The following MAP4 variants were observed in gnomAD, a reference collection of about 807,000 sequenced individuals.
The protein encoded by MAP4 is microtubule-associated protein 4.
A neutral mutation model predicts 170.2 loss-of-function variants in MAP4; 76 were observed. The observed-to-expected ratio is 0.45, with a 90% CI of 0.37 to 0.54. The LOEUF (loss-of-function observed/expected upper bound fraction) is 0.54, where lower values mean the gene tolerates loss of function less well. Ranked by LOEUF, MAP4 falls within the 20% of genes least tolerant of loss-of-function variation. The pLI is 0.00. For synonymous variants in MAP4, 909 were observed against 994.5 expected (o/e 0.91, Z 1.62); for missense variants, 2,506 against 2,748.0 (o/e 0.91, Z 1.97).
intron 1 of MAP4, 59 bp from the exon 2 acceptor site, chr3:47,998,938 T>C: frequency 1.1e-6 from 1 of 937,784 alleles, no homozygotes; most frequent in Non-Finnish European, 1.7e-6. Context: ...AAAACATTTC[T>C]AGAAACTCTT....
chr3:48,042,941 A>G (rs1020678080), intron 1 of MAP4, among the ~76,000 whole-genome samples: 9 of 152,248 alleles, frequency 5.9e-5, no homozygotes, highest in African/African-American at 1.9e-4. Flanking sequence ...TTTATACAGA[A>G]AGTAGATTCA....
At chr3:47,937,872 G>C (rs1475729902) in intron 3 of MAP4, among the ~76,000 whole-genome samples, 1 of 150,026 alleles carries the variant, frequency 6.7e-6, no homozygotes, top group Non-Finnish European at 1.5e-5. Flanking sequence ...ATGTTGGCCA[G>C]GATGGTCTCG....
chr3:48,006,149 C>T (rs2100102189), intron 1 of MAP4, among the ~76,000 whole-genome samples: 1 of 152,156 alleles, frequency 6.6e-6, no homozygotes, highest in Non-Finnish European at 1.5e-5. Flanking sequence ...AAAAGAGAAT[C>T]ATGGCCCCTC....
In MAP4 at chr3:47,871,247, ATCT is replaced by A. The variant is rs1264846461; in HGVS notation, c.5978_5980del (p.Lys1993del). 3 of 1,614,236 alleles carry A rather than the reference ATCT, an allele frequency of 1.9e-6. No homozygotes were observed. In the South Asian group the frequency reaches 3.3e-5, roughly 18 times the overall value. On this transcript the variant is annotated inframe_deletion, in exon 14 of 21. Coordinates refer to ENST00000683076, the MANE Select transcript of MAP4 (RefSeq NM_001385682.1). ...ATTACCTGGTACAGACTTTGCAGTC[ATCT>A]TCTTGACTTCTGCAGGTTTTCCCTC...
intron 3 of MAP4, among the ~76,000 whole-genome samples, chr3:47,930,826 G>A (rs2100049355): frequency 6.6e-6 from 1 of 151,572 alleles, no homozygotes; most frequent in Admixed American, 6.6e-5. Flanking sequence ...CTACTCAGGA[G>A]GCTGAGGCAG....
At chr3:47,887,772 A>G (rs373464706) in intron 10 of MAP4, among the ~76,000 whole-genome samples, 36 of 152,278 alleles carry the variant, frequency 2.4e-4, no homozygotes, top group East Asian at 1.7e-3. Context: ...GAATCCACCA[A>G]TCGACACTCT....
chr3:48,039,909 GC>G (rs544776314), intron 1 of MAP4, among the ~76,000 whole-genome samples: 180 of 152,298 alleles, frequency 1.2e-3, no homozygotes, highest in Non-Finnish European at 2.2e-3. Flanking sequence ...AACTTGGTAA[GC>G]CACTAAAATC....
chr3:48,061,197 C>CCCCTCTCCCTCT (rs200606918), intron 1 of MAP4, among the ~76,000 whole-genome samples: 10 of 151,030 alleles, frequency 6.6e-5, no homozygotes, highest in Non-Finnish European at 1.5e-4. Context: ...CCTCCCCCTC[C>CCCCTCTCCCTCT]CCCTCTCCCT....
At chr3:47,858,852 G>A (rs1438866671) in intron 17 of MAP4, among the ~76,000 whole-genome samples, 2 of 152,110 alleles carry the variant, frequency 1.3e-5, no homozygotes, top group African/African-American at 4.8e-5. Flanking sequence ...ACCTTGGCTG[G>A]GCACGGTGGC....
intron 2 of MAP4, among the ~76,000 whole-genome samples, chr3:47,996,737 G>GACACACACACACACACACACAC (rs57673370): frequency 8.2e-5 from 12 of 146,432 alleles, no homozygotes; most frequent in African/African-American, 2.8e-4. Context: ...CAAAAACTAA[G>GACACACACACACACACACACAC]ACACACACAC....
chr3:47,906,624 G>A (rs564705476), intron 9 of MAP4, among the ~76,000 whole-genome samples: 3 of 151,172 alleles, frequency 2.0e-5, no homozygotes, highest in Admixed American at 6.6e-5. Context: ...CAGAGGTTGC[G>A]GTGAACTGAG....
At chr3:47,893,395 G>A (rs1433924795) in intron 10 of MAP4, among the ~76,000 whole-genome samples, 1 of 152,122 alleles carries the variant, frequency 6.6e-6, no homozygotes, top group Non-Finnish European at 1.5e-5. Flanking sequence ...AATCTGTTAG[G>A]TGTCATGTGA....
intron 1 of MAP4, among the ~76,000 whole-genome samples, chr3:48,047,698 CTT>C (rs1323675746): frequency 6.6e-6 from 1 of 152,190 alleles, no homozygotes; most frequent in African/African-American, 2.4e-5. Context: ...TCCATGTTTT[CTT>C]GTTTCCTTGT....
chr3:47,939,788 C>A (rs932849903), intron 3 of MAP4, among the ~76,000 whole-genome samples: 2 of 151,536 alleles, frequency 1.3e-5, no homozygotes, highest in African/African-American at 4.9e-5. Context: ...ATTTTCCTCA[C>A]CCCTCCTGGA....
intron 2 of MAP4, among the ~76,000 whole-genome samples, chr3:47,985,004 G>T (rs978339628): frequency 1.3e-5 from 2 of 151,682 alleles, no homozygotes; most frequent in African/African-American, 4.8e-5. Flanking sequence ...AAATTAGGCT[G>T]GGGGGTGGCT....
chr3:47,884,627 C>T (rs1190809664), intron 10 of MAP4, among the ~76,000 whole-genome samples: 1 of 152,112 alleles, frequency 6.6e-6, no homozygotes, highest in Non-Finnish European at 1.5e-5. Context: ...AGGGACTTAC[C>T]TGTGTCACCC....
chr3:47,986,218 A>G (rs1443340278), intron 2 of MAP4, among the ~76,000 whole-genome samples: 1 of 152,080 alleles, frequency 6.6e-6, no homozygotes, highest in East Asian at 1.9e-4. Flanking sequence ...GGCTTAAGCA[A>G]TCCTCCTTCC....
At chr3:47,966,976 C>T (rs747260928) in intron 3 of MAP4, among the ~76,000 whole-genome samples, 1 of 152,114 alleles carries the variant, frequency 6.6e-6, no homozygotes, top group African/African-American at 2.4e-5. Context: ...CTTGAGATTC[C>T]GAATGGATTT....
At chr3:48,024,433 T>C (rs1222770690) in intron 1 of MAP4, among the ~76,000 whole-genome samples, 1 of 152,200 alleles carries the variant, frequency 6.6e-6, no homozygotes, top group African/African-American at 2.4e-5. Flanking sequence ...CCCTTGGAGT[T>C]AGAAGTTGAG....
Sources: gnomAD v4.1 joint callset for allele counts (sites outside exome capture counted in the v4.1 genomes callset) on GRCh38, gnomAD v4.1.1 for gene constraint, MANE v1.5 for transcripts, NCBI Gene and HGNC (gene_info 2026-07-23, HGNC 2026-07-21) for gene names.